The following STMN2 variants were observed in gnomAD, a reference collection of about 807,000 sequenced individuals.
STMN2 encodes stathmin-2.
In STMN2, 2 loss-of-function variants were observed where a neutral mutation model predicts 24.1. That is an observed-to-expected ratio of 0.08 (90% CI 0.03 to 0.26). The LOEUF (loss-of-function observed/expected upper bound fraction) is 0.26. Ranked by LOEUF, STMN2 falls within the 10% of genes least tolerant of loss-of-function variation. The pLI, the probability that STMN2 is intolerant of heterozygous loss-of-function variation, is 1.00. For missense variants in STMN2, 114 were observed against 213.6 expected (o/e 0.53, Z 2.91); for synonymous variants, 83 against 77.5 (o/e 1.07, Z -0.37).
chr8:79,646,456 A>C (rs925162348), intron 3 of STMN2, among the ~76,000 whole-genome samples: 2 of 151,508 alleles, frequency 1.3e-5, no homozygotes, highest in South Asian at 2.1e-4. Context: ...TGGATAGTCA[A>C]AAAAAAACCT....
At chr8:79,620,052 G>A (rs1400748022) in intron 1 of STMN2, among the ~76,000 whole-genome samples, 4 of 151,316 alleles carry the variant, frequency 2.6e-5, no homozygotes, top group African/African-American at 7.3e-5. Flanking sequence ...TAATCCCTCT[G>A]AGATGGGCAT....
At chr8:79,640,957 C>T (rs1000439503) in intron 2 of STMN2, among the ~76,000 whole-genome samples, 2 of 152,092 alleles carry the variant, frequency 1.3e-5, no homozygotes, top group South Asian at 2.1e-4. Flanking sequence ...TGAAGAACTC[C>T]GTTATGTTTC....
intron 1 of STMN2, among the ~76,000 whole-genome samples, chr8:79,630,148 C>T (rs1219649321): frequency 1.3e-5 from 2 of 152,152 alleles, no homozygotes; most frequent in Non-Finnish European, 2.9e-5. Flanking sequence ...CCCCATCCCA[C>T]GGTGATAGCT....
At chr8:79,657,853 T>C (rs1585911703) in intron 4 of STMN2, among the ~76,000 whole-genome samples, 1 of 152,252 alleles carries the variant, frequency 6.6e-6, no homozygotes, top group Non-Finnish European at 1.5e-5. Flanking sequence ...CAAAGTTTTA[T>C]ATTGGAAGTA....
intron 1 of STMN2, among the ~76,000 whole-genome samples, chr8:79,618,419 GC>G (rs1307939802): frequency 1.3e-5 from 2 of 152,172 alleles, no homozygotes; most frequent in Non-Finnish European, 2.9e-5. Flanking sequence ...ATCATGGTTA[GC>G]ACATTTCAAA....
At chr8:79,639,204 G>A (rs1563441275) in intron 2 of STMN2, among the ~76,000 whole-genome samples, 3 of 152,212 alleles carry the variant, frequency 2.0e-5, no homozygotes, top group East Asian at 1.9e-4. Flanking sequence ...TTAAAAAGAC[G>A]TTAATAAATT....
chr8:79,644,486 C>T (rs576955896), intron 3 of STMN2, among the ~76,000 whole-genome samples: 95 of 152,188 alleles, frequency 6.2e-4, no homozygotes, highest in Non-Finnish European at 1.2e-3. Context: ...AGGCCCAACC[C>T]AGAACCAATC....
rs999530251 is a variant in STMN2 at position 79,625,544 on chromosome 8, G to A, written c.20-11258G>A. ...TAGACATAGTAAGAGCTCTAATTGT[G>A]TTTGGTGATTTGATTATTATGACAA... On this transcript the variant is annotated intron_variant, in intron 1 of 4. Coordinates refer to ENST00000220876, the MANE Select transcript of STMN2 (RefSeq NM_007029.4). Among the ~76,000 whole-genome samples, 5 of 152,322 alleles carry A rather than the reference G, an allele frequency of 3.3e-5. No homozygotes were observed. The East Asian group carries it at 9.7e-4, about 29-fold the overall frequency.
intron 1 of STMN2, among the ~76,000 whole-genome samples, chr8:79,629,241 C>T (rs751294533): frequency 1.3e-5 from 2 of 151,996 alleles, no homozygotes; most frequent in Non-Finnish European, 2.9e-5. Context: ...TAAACCTCAA[C>T]GGTATTATTT....
At chr8:79,616,242 G>A (rs1908540) in intron 1 of STMN2, among the ~76,000 whole-genome samples, 56,546 of 152,040 alleles carry the variant, frequency 0.37, 10,617 homozygotes, top group African/African-American at 0.41. Context: ...TTTCAATCTA[G>A]TTTTATCAGA....
chr8:79,631,892 G>A (rs1427984527), intron 1 of STMN2, among the ~76,000 whole-genome samples: 1 of 152,138 alleles, frequency 6.6e-6, no homozygotes, highest in Non-Finnish European at 1.5e-5. Flanking sequence ...ATTTCCTTAT[G>A]AAAAGAAAAG....
At chr8:79,612,182 C>G (rs1225436441) in intron 1 of STMN2, among the ~76,000 whole-genome samples, 1 of 152,076 alleles carries the variant, frequency 6.6e-6, no homozygotes, top group Non-Finnish European at 1.5e-5. Flanking sequence ...CCGCGCTCCC[C>G]GCTCCCGACT....
At chr8:79,662,330 T>C (rs1229937721) in intron 4 of STMN2, among the ~76,000 whole-genome samples, 1 of 152,094 alleles carries the variant, frequency 6.6e-6, no homozygotes, top group East Asian at 1.9e-4. Context: ...AGGAGATCAA[T>C]AATGAAATAA....
intron 1 of STMN2, chr8:79,613,342 C>A (rs968197486): frequency 1.1e-5 from 11 of 975,610 alleles, no homozygotes; most frequent in Non-Finnish European, 3.7e-6. Context: ...TGGAGCGCAG[C>A]CAGCCCTGCA....
chr8:79,654,265 A>G (rs866527923), intron 3 of STMN2, among the ~76,000 whole-genome samples: 1 of 151,810 alleles, frequency 6.6e-6, no homozygotes, highest in South Asian at 2.1e-4. Flanking sequence ...GAGGGTCAAA[A>G]CAAGGACTTT....
chr8:79,658,910 G>A (rs1218460081), intron 4 of STMN2, among the ~76,000 whole-genome samples: 1 of 152,206 alleles, frequency 6.6e-6, no homozygotes, highest in Non-Finnish European at 1.5e-5. Context: ...CTCTTTAAGG[G>A]ATTCTGATTT....
chr8:79,665,020 TAAA>T lies in STMN2; in HGVS notation c.*152_*154del. ...AAAAAAAACAAAAAAAATCAAAAATTAAAAAAAATCAATGCGGTCTCTTTGCAG... is the reference window on the plus strand; with the variant it reads ...AAAAAAAACAAAAAAAATCAAAAATTAAAAATCAATGCGGTCTCTTTGCAG... On this transcript the variant is annotated 3_prime_UTR_variant, in exon 5 of 5. Coordinates refer to ENST00000220876, the MANE Select transcript of STMN2 (RefSeq NM_007029.4). 1 of 704,268 alleles carries T rather than the reference TAAA, an allele frequency of 1.4e-6. No individual in the cohort carries two copies. Among genetic ancestry groups the T allele is most frequent in the Non-Finnish European group, 2.0e-6 (1 of 493,172 alleles). 43.6% of individuals were successfully genotyped at this position (704,268 alleles called of 1,614,324 possible).
At chr8:79,637,309 A>G (rs1304647283) in intron 2 of STMN2, among the ~76,000 whole-genome samples, 1 of 152,256 alleles carries the variant, frequency 6.6e-6, no homozygotes, top group Non-Finnish European at 1.5e-5. Flanking sequence ...TGTAGTCTTT[A>G]TAAAGTTTCT....
At chr8:79,623,856 A>G (rs1298734941) in intron 1 of STMN2, among the ~76,000 whole-genome samples, 2 of 152,156 alleles carry the variant, frequency 1.3e-5, no homozygotes, top group Non-Finnish European at 2.9e-5. Context: ...AAAGAATTGC[A>G]TGTCTTCTGA....
Sources: allele counts gnomAD v4.1 joint callset (sites outside exome capture counted in the v4.1 genomes callset), GRCh38; gene constraint gnomAD v4.1.1; transcripts MANE v1.5; gene names NCBI Gene and HGNC (gene_info 2026-07-23, HGNC 2026-07-21).